Variants in GAK observed in about 807,000 individuals in gnomAD.
GAK encodes the protein cyclin G associated kinase, also known as cyclin-G-associated kinase.
In GAK, 79 loss-of-function variants were observed where a neutral mutation model predicts 143.9. The observed-to-expected ratio is 0.55, with a 90% CI of 0.46 to 0.66. The LOEUF is 0.66. GAK is among the 30% of genes least tolerant of loss of function. The pLI is 0.00. For missense variants in GAK, 1,693 were observed against 1,779.7 expected (o/e 0.95, Z 0.88); for synonymous variants, 881 against 765.5 (o/e 1.15, Z -2.49).
chr4:855,662 G>A (rs1466744860), intron 24 of GAK, among the ~76,000 whole-genome samples: 1 of 152,218 alleles, frequency 6.6e-6, no homozygotes, highest in Non-Finnish European at 1.5e-5. Flanking sequence ...GATTTTAGGA[G>A]GATGGTTAAA....
At chr4:897,461 C>T (rs1719018765) in intron 6 of GAK, among the ~76,000 whole-genome samples, 3 of 152,174 alleles carry the variant, frequency 2.0e-5, no homozygotes, top group Admixed American at 1.3e-4. Context: ...TTAACTCCTC[C>T]AGCTCCAAGA....
intron 18 of GAK, among the ~76,000 whole-genome samples, chr4:873,399 G>A (rs1453091491): frequency 2.0e-5 from 3 of 151,992 alleles, no homozygotes; most frequent in Non-Finnish European, 4.4e-5. Flanking sequence ...ATGACCCAAC[G>A]TGGAGTCCAC....
At chr4:902,605 A>AAAAAAAAAAAAAAAAAAAAAAAAC (rs1180561371) in intron 5 of GAK, among the ~76,000 whole-genome samples, 1 of 130,376 alleles carries the variant, frequency 7.7e-6, no homozygotes, top group Non-Finnish European at 1.7e-5. Flanking sequence ...TCAAAAAAAA[A>AAAAAAAAAAAAAAAAAAAAAAAAC]AAAAAAAAAC....
At chr4:865,099 TC>T in intron 23 of GAK, 22 bp downstream of exon 23, 1 of 1,602,370 alleles carries the variant, frequency 6.2e-7, no homozygotes, top group East Asian at 2.2e-5. Flanking sequence ...GGGAGCCCTG[TC>T]CTTGGTGGGT....
chr4:929,053 C>T (rs1047710079), intron 1 of GAK, among the ~76,000 whole-genome samples: 4 of 152,210 alleles, frequency 2.6e-5, no homozygotes, highest in Admixed American at 6.5e-5. Context: ...TGAGCCACTG[C>T]GCCCGGCCCA....
At chr4:885,234 C>A (rs1377854042) in intron 11 of GAK, among the ~76,000 whole-genome samples, 1 of 152,142 alleles carries the variant, frequency 6.6e-6, no homozygotes, top group Non-Finnish European at 1.5e-5. Flanking sequence ...GACAAACAGG[C>A]CACACAAAGC....
intron 1 of GAK, among the ~76,000 whole-genome samples, chr4:929,190 T>C (rs1282903752): frequency 6.6e-6 from 1 of 152,172 alleles, no homozygotes; most frequent in Non-Finnish European, 1.5e-5. Context: ...CCCCATTCCT[T>C]AGGCCAGAGC....
At chr4:904,904 G>C in intron 4 of GAK, 125 bp from the exon 5 acceptor site, 3 of 888,586 alleles carry the variant, frequency 3.4e-6, no homozygotes, top group South Asian at 1.7e-5. Context: ...CCACACCTAA[G>C]TAACAAAACG....
intron 8 of GAK, 71 bp downstream of exon 8, chr4:893,802 CG>C: frequency 6.8e-7 from 1 of 1,479,354 alleles, no homozygotes. Context: ...CCAAGGGGAG[CG>C]GGGTCTCCAG....
chr4:859,547 G>A (rs1269733248), intron 24 of GAK, 59 bp downstream of exon 24: 36 of 1,588,884 alleles, frequency 2.3e-5, no homozygotes, highest in Admixed American at 8.4e-5. Flanking sequence ...TCAGATAGAC[G>A]AGAATAAACC....
intron 4 of GAK, 83 bp downstream of exon 4, chr4:911,588 TCA>T (rs1476918044): frequency 1.1e-6 from 1 of 903,712 alleles, no homozygotes; most frequent in Non-Finnish European, 1.8e-6. Flanking sequence ...CGGGCATGTT[TCA>T]CAGCCATGCA....
At position 919,160 on chromosome 4, in the gene GAK, T is replaced by A. The variant is rs141088032; in HGVS notation, c.146-5492A>T. 7.7e-3 allele frequency among the ~76,000 whole-genome samples: 1,156 copies of A among 149,352 alleles called. 6 individuals carry two copies. Among genetic ancestry groups the A allele is most frequent in the Non-Finnish European group, 0.013 (859 of 67,450 alleles). ...CCAAAGGCCTCAGCGCCGCATGACC[T>A]TAGCAGGACAGAAGGCTCCAAAGGT... On this transcript the variant is annotated intron_variant, in intron 1 of 27. Coordinates refer to ENST00000314167, the MANE Select transcript of GAK (RefSeq NM_005255.4).
At chr4:892,822 A>G (rs752551256) in intron 9 of GAK, among the ~76,000 whole-genome samples, 9 of 152,210 alleles carry the variant, frequency 5.9e-5, no homozygotes, top group Non-Finnish European at 1.0e-4. Flanking sequence ...TCAGGGGAAG[A>G]ATCTAGAAAG....
chr4:851,077 C>T lies in GAK; in HGVS notation c.3516G>A (p.Lys1172=), dbSNP rs1029788305. The T allele has an allele frequency of 1.1e-5, 17 of 1,613,216 alleles. No homozygotes were observed. The highest frequency in any genetic ancestry group is 1.4e-5 in the Non-Finnish European group (16 of 1,179,632). Residue 1172 remains lysine, a synonymous_variant, in exon 26 of 28, where the codon AAG becomes AAA. Transcript: ENST00000314167. ...CAAAGTCGTTCTCAGAGACTTTTGG[C>T]TTTTGAGCTAGAAAAGAACAGAAAC... The part of the protein sequence containing the change: ...RGVRAPSFAQ[K]PKVSENDFED...
At chr4:854,131 T>A in intron 24 of GAK, among the ~76,000 whole-genome samples, 1 of 151,594 alleles carries the variant, frequency 6.6e-6, no homozygotes, top group East Asian at 1.9e-4. Context: ...TTTTTTTTTT[T>A]TTTAATTGAT....
In GAK at chr4:893,364, G is replaced by A. The variant is rs772583155; in HGVS notation, c.990+13C>T. 36 of 1,524,364 alleles carry A rather than the reference G, an allele frequency of 2.4e-5. No homozygotes were observed. The South Asian group carries it at 4.1e-4, about 17-fold the overall frequency. The allele number at this position is 1,524,364 out of a possible 1,614,324, so 94.4% of individuals were successfully genotyped here. A position where few individuals can be genotyped will look rare whatever the true frequency, so the allele number is the denominator to read the frequency against. The stretch of plus-strand genomic sequence containing the variant: ...ACTGCGGGGGATTTGGGGCTCACGT[G>A]TGCCTCCCTCACCTCTGTGATGGGA... On this transcript the variant is annotated intron_variant, in intron 9 of 27. Transcript: ENST00000314167.
intron 14 of GAK, 94 bp downstream of exon 14, chr4:882,603 C>G: frequency 6.7e-7 from 1 of 1,489,978 alleles, no homozygotes; most frequent in Non-Finnish European, 9.1e-7. Flanking sequence ...AGAACAGGCC[C>G]CAGCTCATGA....
At chr4:903,129 G>A (rs111564270) in intron 5 of GAK, among the ~76,000 whole-genome samples, 22 of 151,756 alleles carry the variant, frequency 1.4e-4, no homozygotes, top group African/African-American at 4.1e-4. Flanking sequence ...GCCCAGCCCC[G>A]GCCCAGAACC....
In GAK at chr4:868,606, T is replaced by C. The variant is rs1486261976; in HGVS notation, c.2328A>G (p.Thr776=). 3.1e-6 allele frequency: 5 copies of C among 1,597,446 alleles called. No homozygotes were observed. The highest frequency in any genetic ancestry group is 4.3e-6 in the Non-Finnish European group (5 of 1,172,476). Residue 776 remains threonine, a synonymous_variant, in exon 20 of 28, where the codon ACA becomes ACG. Transcript: ENST00000314167. The part of the protein sequence containing the change: ...AGAGSPEAEP[T]DSDSPPSSSA... The stretch of plus-strand genomic sequence containing the variant: ...TGCTGCTTGGCGGTGAGTCAGAGTC[T>C]GTGGGTTCGGCTTCCGGGGACCCTG...
Sources: allele counts gnomAD v4.1 joint callset (sites outside exome capture counted in the v4.1 genomes callset), GRCh38; gene constraint gnomAD v4.1.1; transcripts MANE v1.5; gene names NCBI Gene and HGNC (gene_info 2026-07-23, HGNC 2026-07-21).